Variants in SLC48A1 observed in about 807,000 individuals in gnomAD.
SLC48A1 encodes solute carrier family 48 member 1, also known as heme transporter HRG1.
In SLC48A1, 6 loss-of-function variants were observed where a neutral mutation model predicts 14.8. That is an observed-to-expected ratio of 0.41 (90% CI 0.22 to 0.80). SLC48A1 has a LOEUF of 0.80. Ranked by LOEUF, SLC48A1 falls within the 30% of genes least tolerant of loss-of-function variation. The pLI, the probability that SLC48A1 is intolerant of heterozygous loss-of-function variation, is 0.34. For missense variants in SLC48A1, 165 were observed against 204.8 expected (o/e 0.81, Z 1.19); for synonymous variants, 89 against 90.0 (o/e 0.99, Z 0.06).
chr12:47,773,517 C>T, intron 1 of SLC48A1, 77 bp downstream of exon 1: 3 of 1,242,474 alleles, frequency 2.4e-6, no homozygotes, highest in Non-Finnish European at 3.0e-6. Flanking sequence ...CAGGACGCTC[C>T]CCGCGAGCGG....
rs1942811076 is a variant in SLC48A1 at position 47,779,139 on chromosome 12, C to T, written c.248C>T (p.Ala83Val). The change falls in exon 2 of 3, where the codon GCC (alanine) becomes GTC (valine). Residue 83 changes from alanine (A) to valine (V), a missense_variant. By Grantham distance (64) the Ala-to-Val change is moderately conservative. Coordinates refer to ENST00000442218, the MANE Select transcript of SLC48A1 (RefSeq NM_017842.3). ...GFFFVGVLFSAVSIAAFCTFL... is the reference protein window; with the variant it reads ...GFFFVGVLFSVVSIAAFCTFL... ...TTCTTCGTGGGCGTCCTCTTCTCGGCCGTCTCCATCGCTGCCTTCTGCACC... is the reference window on the plus strand; with the variant it reads ...TTCTTCGTGGGCGTCCTCTTCTCGGTCGTCTCCATCGCTGCCTTCTGCACC... 1.9e-6 allele frequency: 3 copies of T among 1,551,780 alleles called. No individual in the cohort carries two copies. The highest frequency in any genetic ancestry group is 2.6e-6 in the Non-Finnish European group (3 of 1,147,046).
chr12:47,767,493 T>A (rs1942541356), upstream of SLC48A1, among the ~76,000 whole-genome samples: 2 of 152,230 alleles, frequency 1.3e-5, no homozygotes, highest in Non-Finnish European at 2.9e-5. Flanking sequence ...GTTTGCCCTA[T>A]ATTGAGGGGT....
intron 2 of SLC48A1, among the ~76,000 whole-genome samples, chr12:47,779,630 A>G (rs1942823767): frequency 6.6e-6 from 1 of 152,032 alleles, no homozygotes; most frequent in African/African-American, 2.4e-5. Flanking sequence ...CCCTTCCCTA[A>G]TCCCCACGGC....
At chr12:47,761,590 CT>C (rs758839176) in intron 2 of SLC48A1, among the ~76,000 whole-genome samples, 4 of 152,206 alleles carry the variant, frequency 2.6e-5, no homozygotes, top group Non-Finnish European at 5.9e-5. Flanking sequence ...AGAATTACTG[CT>C]CAGCAGATAT....
At chr12:47,758,313 G>T, upstream of SLC48A1, 1 of 1,434,438 alleles carries the variant, frequency 7.0e-7, no homozygotes, top group Admixed American at 2.9e-5. Context: ...GCCCTTCTTA[G>T]TCCTCTTTGG....
chr12:47,779,317 G>C, intron 2 of SLC48A1, 122 bp downstream of exon 2: 1 of 1,326,178 alleles, frequency 7.5e-7, no homozygotes, highest in Non-Finnish European at 1.0e-6. Context: ...TAACCTCCCC[G>C]GACACGGGTT....
At chr12:47,761,380 T>A (rs1044490626) in intron 2 of SLC48A1, among the ~76,000 whole-genome samples, 1 of 152,166 alleles carries the variant, frequency 6.6e-6, no homozygotes, top group Non-Finnish European at 1.5e-5. Context: ...TCATTCCCCC[T>A]CTCTGGGGAG....
chr12:47,755,822 G>A (rs1243130946), upstream of SLC48A1: 1 of 152,176 alleles, frequency 6.6e-6, no homozygotes, highest in Admixed American at 6.5e-5. Flanking sequence ...CTGGGACTCG[G>A]GCTCCACCCC....
At position 47,779,011 on chromosome 12, in the gene SLC48A1, ATG is replaced by A. The variant is rs1942807583; in HGVS notation, c.137-13_137-12del. The A allele has an allele frequency of 6.4e-7, 1 of 1,550,516 alleles. No individual in the cohort carries two copies. Among genetic ancestry groups the A allele is most frequent in the South Asian group, 1.2e-5 (1 of 83,956 alleles). ...TGGAGCACCCTGGGGATGGGCCCTG[ATG>A]TGTCTCTCCTGCAGGGGTGCTGGCA... On this transcript the variant is annotated splice_polypyrimidine_tract_variant and intron_variant, in intron 1 of 2. Coordinates refer to ENST00000442218, the MANE Select transcript of SLC48A1 (RefSeq NM_017842.3).
At chr12:47,767,503 T>C (rs1942541529), upstream of SLC48A1, among the ~76,000 whole-genome samples, 1 of 151,916 alleles carries the variant, frequency 6.6e-6, no homozygotes, top group South Asian at 2.1e-4. Flanking sequence ...TATTGAGGGG[T>C]TTTCTGGGAC....
chr12:47,765,887 TC>T (rs1766673133), intron 2 of SLC48A1, among the ~76,000 whole-genome samples: 2 of 151,774 alleles, frequency 1.3e-5, no homozygotes, highest in South Asian at 2.1e-4. Context: ...ACCAAGTTTC[TC>T]CCCCTCCTGC....
intron 1 of SLC48A1, among the ~76,000 whole-genome samples, chr12:47,776,205 G>A (rs1442815083): frequency 6.6e-6 from 1 of 152,144 alleles, no homozygotes; most frequent in Non-Finnish European, 1.5e-5. Flanking sequence ...AGCCACTGGG[G>A]ATGCTTTCAC....
chr12:47,776,794 A>T (rs1262527595), intron 1 of SLC48A1, among the ~76,000 whole-genome samples: 1 of 152,170 alleles, frequency 6.6e-6, no homozygotes, highest in Admixed American at 6.5e-5. Flanking sequence ...GAACCACTGG[A>T]TCGTGGCCAG....
In SLC48A1 at chr12:47,758,898, G is replaced by A. The variant is rs377279737; in HGVS notation, c.-373+238G>A. The A allele has an allele frequency of 1.7e-4, 184 of 1,108,594 alleles. 1 individual carries two copies. The East Asian group carries it at 6.9e-3, about 42-fold the overall frequency. The allele number at this position is 1,108,594 out of a possible 1,614,324, so 68.7% of individuals were successfully genotyped here. On this transcript the variant is annotated intron_variant, in intron 1 of 4. Coordinates refer to the SLC48A1 transcript ENST00000547002. Reference sequence around the variant, plus strand: ...GCTGCGCTGGCACCGGTCCGGGCGGGAGCTGTCACACCCCCTGCGCTGCCC... The same window carrying A: ...GCTGCGCTGGCACCGGTCCGGGCGGAAGCTGTCACACCCCCTGCGCTGCCC...
upstream of SLC48A1, among the ~76,000 whole-genome samples, chr12:47,754,508 C>T (rs1171702054): frequency 6.6e-6 from 1 of 152,198 alleles, no homozygotes; most frequent in Non-Finnish European, 1.5e-5. Flanking sequence ...GCGTTACCAT[C>T]TGGTTGTGTG....
chr12:47,782,634 C>T lies in SLC48A1; in HGVS notation c.*2353C>T, dbSNP rs1166797687. On this transcript the variant is annotated 3_prime_UTR_variant, in exon 3 of 3. Transcript: ENST00000442218. The stretch of plus-strand genomic sequence containing the variant: ...CCTGGTCCCTCCTCCGGCAGTGACT[C>T]AGACCCACACTGTGCCGTGCAGCTG... 1 of 152,304 alleles carries T rather than the reference C, an allele frequency of 6.6e-6. No homozygotes were observed. The highest frequency in any genetic ancestry group is 1.5e-5 in the Non-Finnish European group (1 of 68,072). The allele number at this position is 152,304 out of a possible 1,614,324, so 9.4% of individuals were successfully genotyped here. A position where few individuals can be genotyped will look rare whatever the true frequency, so the allele number is the denominator to read the frequency against.
chr12:47,758,389 T>C (rs1327797447), upstream of SLC48A1: 12 of 1,519,084 alleles, frequency 7.9e-6, no homozygotes, highest in African/African-American at 1.4e-5. Flanking sequence ...TATGAAGCTA[T>C]AGATTCACTA....
At chr12:47,774,781 A>G (rs2136864698) in intron 1 of SLC48A1, among the ~76,000 whole-genome samples, 3 of 152,020 alleles carry the variant, frequency 2.0e-5, no homozygotes, top group Middle Eastern at 6.8e-3. Context: ...CAGCTGCCTC[A>G]CCACCTGTGG....
intron 1 of SLC48A1, among the ~76,000 whole-genome samples, chr12:47,759,897 T>C (rs1942322375): frequency 7.6e-6 from 1 of 131,016 alleles, no homozygotes; most frequent in South Asian, 2.8e-4. Flanking sequence ...AAAAAGCCTA[T>C]ACCCCAATTT....
Sources: gnomAD v4.1 joint callset for allele counts (sites outside exome capture counted in the v4.1 genomes callset) on GRCh38, gnomAD v4.1.1 for gene constraint, MANE v1.5 for transcripts, NCBI Gene and HGNC (gene_info 2026-07-23, HGNC 2026-07-21) for gene names.